The following CSMD1 variants were observed in gnomAD, a reference collection of about 807,000 sequenced individuals.
CSMD1 encodes CUB and Sushi multiple domains 1.
Under a neutral mutation model 417.5 loss-of-function variants are expected in CSMD1, and 213 were observed. The observed-to-expected ratio is 0.51, with a 90% CI of 0.46 to 0.57. CSMD1 has a LOEUF of 0.57. Ranked by LOEUF, CSMD1 falls within the 20% of genes least tolerant of loss-of-function variation. The probability of loss-of-function intolerance (pLI) is 0.00; values close to 1 mark genes in which losing one functional copy is unlikely to be tolerated. For missense variants in CSMD1, 6,923 were observed against 4,529.7 expected (o/e 1.53, Z -15.17); for synonymous variants, 2,862 against 1,736.8 (o/e 1.65, Z -16.11).
At chr8:4,462,094 C>CAA (rs1799870579) in intron 2 of CSMD1, among the ~76,000 whole-genome samples, 1 of 151,158 alleles carries the variant, frequency 6.6e-6, no homozygotes, top group Admixed American at 6.6e-5. Flanking sequence ...AGGCTGGTCT[C>CAA]AAACTCCTGG....
intron 36 of CSMD1, among the ~76,000 whole-genome samples, chr8:3,186,779 G>T (rs1821786887): frequency 6.6e-6 from 1 of 152,168 alleles, no homozygotes; most frequent in Non-Finnish European, 1.5e-5. Context: ...AAGCAAGAAG[G>T]GACTCATGGA....
At chr8:4,008,681 G>T (rs990838275) in intron 4 of CSMD1, among the ~76,000 whole-genome samples, 5 of 137,470 alleles carry the variant, frequency 3.6e-5, no homozygotes, top group African/African-American at 1.4e-4. Context: ...TGCGATCTCA[G>T]GTAACTGCAA....
At chr8:4,164,304 G>A (rs1025173665) in intron 3 of CSMD1, among the ~76,000 whole-genome samples, 1 of 151,894 alleles carries the variant, frequency 6.6e-6, no homozygotes, top group African/African-American at 2.4e-5. Flanking sequence ...GATAAATATA[G>A]AATCCATCTA....
intron 5 of CSMD1, among the ~76,000 whole-genome samples, chr8:3,918,260 T>C (rs1808966789): frequency 3.9e-5 from 6 of 152,114 alleles, no homozygotes; most frequent in African/African-American, 9.7e-5. Flanking sequence ...GTTGTTGTTG[T>C]TGTTTTTAGC....
At chr8:4,831,705 T>C (rs1800158984) in intron 1 of CSMD1, among the ~76,000 whole-genome samples, 1 of 152,182 alleles carries the variant, frequency 6.6e-6, no homozygotes, top group African/African-American at 2.4e-5. Context: ...AAATATTTAC[T>C]AGACATTCAC....
intron 10 of CSMD1, among the ~76,000 whole-genome samples, chr8:3,507,704 G>A (rs970315760): frequency 6.6e-6 from 1 of 152,152 alleles, no homozygotes; most frequent in South Asian, 2.1e-4. Context: ...ATTCTAACTG[G>A]TATGAGATGG....
intron 8 of CSMD1, among the ~76,000 whole-genome samples, chr8:3,603,417 C>G (rs1308551650): frequency 1.3e-5 from 2 of 152,146 alleles, no homozygotes; most frequent in African/African-American, 4.8e-5. Flanking sequence ...GGCTTGCGAG[C>G]TAAAGCCTCC....
intron 3 of CSMD1, among the ~76,000 whole-genome samples, chr8:4,119,604 G>T (rs55742154): frequency 3.2e-4 from 49 of 152,102 alleles, no homozygotes; most frequent in African/African-American, 1.2e-3. Context: ...CTAGGGAGGA[G>T]ACCAGGACTT....
intron 1 of CSMD1, among the ~76,000 whole-genome samples, chr8:4,993,650 G>A (rs1177073383): frequency 6.6e-6 from 1 of 152,194 alleles, no homozygotes; most frequent in African/African-American, 2.4e-5. Context: ...TGACTTGGAA[G>A]CCGGTCCAGA....
Position 3,327,909 on chromosome 8 carries a change from A to G in CSMD1, c.3631+15385T>C, listed in dbSNP as rs138123530. 4.1e-3 allele frequency among the ~76,000 whole-genome samples: 629 copies of G among 152,202 alleles called. 2 individuals are homozygous for G. Among genetic ancestry groups the G allele is most frequent in the Non-Finnish European group, 5.7e-3 (391 of 68,014 alleles). On this transcript the variant is annotated intron_variant, in intron 23 of 69. Transcript: ENST00000635120. ...TATTCACTGTGACCCGGATCCTTTA[A>G]TTGGGTCACCTTGAACTCTGTAAAT...
chr8:3,411,362 C>G (rs77294025), intron 12 of CSMD1, among the ~76,000 whole-genome samples: 2 of 147,366 alleles, frequency 1.4e-5, no homozygotes, highest in Non-Finnish European at 3.0e-5. Flanking sequence ...ACTTCCTTTC[C>G]TTTTCTTTAT....
At chr8:4,938,541 T>A (rs1807771999) in intron 1 of CSMD1, among the ~76,000 whole-genome samples, 1 of 152,216 alleles carries the variant, frequency 6.6e-6, no homozygotes. Context: ...GTGCTGAGTA[T>A]GACAGGGATA....
At chr8:3,414,750 A>T (rs1322824101) in intron 12 of CSMD1, among the ~76,000 whole-genome samples, 2 of 152,004 alleles carry the variant, frequency 1.3e-5, no homozygotes, top group East Asian at 1.9e-4. Flanking sequence ...ACTTGCTACA[A>T]TTTCTTTTAG....
At chr8:4,158,582 C>G (rs929111852) in intron 3 of CSMD1, among the ~76,000 whole-genome samples, 1 of 152,146 alleles carries the variant, frequency 6.6e-6, no homozygotes, top group African/African-American at 2.4e-5. Flanking sequence ...GAACAGTCCT[C>G]GTTCCCCTCC....
chr8:3,990,883 T>C (rs560231061), intron 5 of CSMD1, among the ~76,000 whole-genome samples: 101 of 152,184 alleles, frequency 6.6e-4, no homozygotes, highest in Non-Finnish European at 1.1e-3. Context: ...CCTTCTTTGC[T>C]CCTGGAGGTC....
At chr8:3,915,619 A>G (rs1050098308) in intron 5 of CSMD1, among the ~76,000 whole-genome samples, 1 of 151,282 alleles carries the variant, frequency 6.6e-6, no homozygotes, top group African/African-American at 2.4e-5. Flanking sequence ...TGAAAAGCTT[A>G]TCATATAATT....
intron 3 of CSMD1, among the ~76,000 whole-genome samples, chr8:4,187,593 T>A (rs115842115): frequency 7.5e-4 from 108 of 143,614 alleles, no homozygotes; most frequent in African/African-American, 2.7e-3. Context: ...GGAGAATCGC[T>A]TGAACCCAGG....
At chr8:4,281,985 A>C (rs1157485454) in intron 3 of CSMD1, among the ~76,000 whole-genome samples, 1 of 152,232 alleles carries the variant, frequency 6.6e-6, no homozygotes, top group Non-Finnish European at 1.5e-5. Context: ...AAATGCATTC[A>C]ACTATAGCAA....
chr8:3,949,054 G>A (rs1811430155), intron 5 of CSMD1, among the ~76,000 whole-genome samples: 1 of 152,010 alleles, frequency 6.6e-6, no homozygotes, highest in African/African-American at 2.4e-5. Flanking sequence ...TGATATTACT[G>A]TTTTTAAAAG....
Sources: allele counts gnomAD v4.1 joint callset (sites outside exome capture counted in the v4.1 genomes callset), GRCh38; gene constraint gnomAD v4.1.1; transcripts MANE v1.5; gene names NCBI Gene and HGNC (gene_info 2026-07-23, HGNC 2026-07-21).